BMPR1B: variants seen among roughly 807,000 people sequenced by gnomAD.
The protein encoded by BMPR1B is bone morphogenetic protein receptor type 1B.
In BMPR1B, 12 loss-of-function variants were observed where a neutral mutation model predicts 59.1. The ratio of observed to expected loss-of-function variants is 0.20; its 90% CI spans 0.13 to 0.33. The LOEUF is 0.33. BMPR1B is among the 10% of genes least tolerant of loss of function. The probability of loss-of-function intolerance (pLI) is 1.00; values close to 1 mark genes in which losing one functional copy is unlikely to be tolerated. For missense variants in BMPR1B, 550 were observed against 610.9 expected (o/e 0.90, Z 1.05); for synonymous variants, 237 against 207.3 (o/e 1.14, Z -1.23).
At chr4:95,028,331 T>C (rs1294423821) in intron 3 of BMPR1B, among the ~76,000 whole-genome samples, 3 of 152,196 alleles carry the variant, frequency 2.0e-5, no homozygotes, top group African/African-American at 7.2e-5. Context: ...TTGGTTGGTA[T>C]TATTTGTATA....
chr4:94,790,670 A>G (rs183311031), intron 1 of BMPR1B, among the ~76,000 whole-genome samples: 41 of 152,292 alleles, frequency 2.7e-4, no homozygotes, highest in Admixed American at 7.2e-4. Flanking sequence ...AGTTCTTGCT[A>G]TATCTTCCTA....
chr4:95,097,528 ACTTT>A (rs997957092), intron 3 of BMPR1B, among the ~76,000 whole-genome samples: 4 of 151,774 alleles, frequency 2.6e-5, no homozygotes, highest in South Asian at 2.1e-4. Flanking sequence ...TCACTATTTG[ACTTT>A]CTTTCTTTCT....
chr4:95,112,934 T>A (rs966077920), intron 4 of BMPR1B, among the ~76,000 whole-genome samples: 1 of 152,118 alleles, frequency 6.6e-6, no homozygotes, highest in Non-Finnish European at 1.5e-5. Flanking sequence ...TAGATTTAAT[T>A]TAGGGTACTT....
intron 10 of BMPR1B, among the ~76,000 whole-genome samples, chr4:95,136,553 G>A (rs187287890): frequency 5.3e-5 from 8 of 152,072 alleles, no homozygotes; most frequent in Non-Finnish European, 7.4e-5. Flanking sequence ...ACTTTTTTTC[G>A]TTGGTAGGCT....
rs5860385 is a variant in BMPR1B, at chr4:95,003,801, C to CTTTTTT, written c.-18+7686_-18+7691dup. ...AAACTTGGATATGACCAAAGTCCAT[C>CTTTTTT]TTTTTTTTTTTTTTTTTTTTTTTTG... On this transcript the variant is annotated intron_variant, in intron 3 of 12. Transcript: ENST00000515059. 2.6e-3 allele frequency among the ~76,000 whole-genome samples: 224 copies of CTTTTTT among 84,556 alleles called. 3 individuals are homozygous for CTTTTTT. The highest frequency in any genetic ancestry group is 3.0e-3 in the Admixed American group (16 of 5,316). The allele number at this position is 84,556 out of a possible 152,430, so 55.5% of individuals were successfully genotyped here.
chr4:94,908,488 C>G (rs1230059805), intron 2 of BMPR1B, among the ~76,000 whole-genome samples: 1 of 151,924 alleles, frequency 6.6e-6, no homozygotes, highest in African/African-American at 2.4e-5. Context: ...TCCTAAACTT[C>G]TAAGCAGTAG....
chr4:94,878,461 A>G (rs1416592157), intron 2 of BMPR1B, among the ~76,000 whole-genome samples: 4 of 152,250 alleles, frequency 2.6e-5, no homozygotes, highest in African/African-American at 9.6e-5. Flanking sequence ...TGGTCATTTC[A>G]AAGTAACTTT....
intron 1 of BMPR1B, among the ~76,000 whole-genome samples, chr4:94,827,363 TTC>T (rs2110664463): frequency 6.6e-6 from 1 of 152,278 alleles, no homozygotes; most frequent in South Asian, 2.1e-4. Flanking sequence ...TAAACTTTAT[TTC>T]TGTTTCTCAA....
chr4:94,801,178 GTTC>G (rs1448373682), intron 1 of BMPR1B, among the ~76,000 whole-genome samples: 1 of 152,218 alleles, frequency 6.6e-6, no homozygotes, highest in African/African-American at 2.4e-5. Context: ...GCACATAATA[GTTC>G]TTCTTCATGG....
chr4:94,938,909 G>T (rs1729414085), intron 2 of BMPR1B, among the ~76,000 whole-genome samples: 4 of 151,966 alleles, frequency 2.6e-5, no homozygotes, highest in Admixed American at 2.6e-4. Flanking sequence ...TACTTGAGAG[G>T]CTGAGGCAGG....
chr4:94,922,890 T>A (rs1339166779), intron 2 of BMPR1B, among the ~76,000 whole-genome samples: 2 of 152,148 alleles, frequency 1.3e-5, no homozygotes, highest in African/African-American at 4.8e-5. Flanking sequence ...TGCAATCTTT[T>A]AACAATTGTC....
At chr4:94,931,367 G>A (rs958561161) in intron 2 of BMPR1B, among the ~76,000 whole-genome samples, 3 of 152,022 alleles carry the variant, frequency 2.0e-5, no homozygotes, top group Non-Finnish European at 4.4e-5. Flanking sequence ...GGACTTTTAT[G>A]TTGCTGGAAA....
intron 1 of BMPR1B, among the ~76,000 whole-genome samples, chr4:94,765,682 C>T (rs1210008389): frequency 7.0e-6 from 1 of 142,294 alleles, no homozygotes; most frequent in Non-Finnish European, 1.5e-5. Flanking sequence ...TCTACTTTGT[C>T]ACATAGTAAA....
chr4:94,888,704 G>A (rs1012055650), intron 2 of BMPR1B, among the ~76,000 whole-genome samples: 1 of 152,002 alleles, frequency 6.6e-6, no homozygotes, highest in African/African-American at 2.4e-5. Flanking sequence ...GTAAATTTTT[G>A]CTTGCACCCA....
At chr4:95,060,462 A>C (rs1727276136) in intron 3 of BMPR1B, among the ~76,000 whole-genome samples, 1 of 152,208 alleles carries the variant, frequency 6.6e-6, no homozygotes, top group Non-Finnish European at 1.5e-5. Context: ...CACTACACAA[A>C]TATTGTCCCC....
chr4:95,054,067 A>T (rs2149193370), intron 3 of BMPR1B, among the ~76,000 whole-genome samples: 1 of 152,356 alleles, frequency 6.6e-6, no homozygotes, highest in Non-Finnish European at 1.5e-5. Flanking sequence ...CTGAGATCTT[A>T]CATCCATATT....
chr4:94,986,846 C>A (rs1163119411), intron 2 of BMPR1B, among the ~76,000 whole-genome samples: 1 of 151,854 alleles, frequency 6.6e-6, no homozygotes, highest in Non-Finnish European at 1.5e-5. Flanking sequence ...TGGAGACCAT[C>A]CTGGCTAACA....
At chr4:94,813,946 A>G (rs1452777355) in intron 1 of BMPR1B, among the ~76,000 whole-genome samples, 1 of 152,230 alleles carries the variant, frequency 6.6e-6, no homozygotes, top group Non-Finnish European at 1.5e-5. Flanking sequence ...TGGAAATATC[A>G]GGAGTTAGTT....
At chr4:94,831,390 G>A (rs997820741) in intron 1 of BMPR1B, among the ~76,000 whole-genome samples, 1 of 152,100 alleles carries the variant, frequency 6.6e-6, no homozygotes, top group African/African-American at 2.4e-5. Flanking sequence ...AAGTTATAGT[G>A]AGCTAAGGTT....
Sources: allele counts gnomAD v4.1 joint callset (sites outside exome capture counted in the v4.1 genomes callset), GRCh38; gene constraint gnomAD v4.1.1; transcripts MANE v1.5; gene names NCBI Gene and HGNC (gene_info 2026-07-23, HGNC 2026-07-21).